The following PCSK5 variants were observed in gnomAD, a reference collection of about 807,000 sequenced individuals.
PCSK5 encodes proprotein convertase subtilisin/kexin type 5, also known as prohormone convertase 5.
In PCSK5, 129 loss-of-function variants were observed where a neutral mutation model predicts 233.2. The ratio of observed to expected loss-of-function variants is 0.55; its 90% CI spans 0.48 to 0.64. The LOEUF (loss-of-function observed/expected upper bound fraction) is 0.64. PCSK5 is among the 30% of genes least tolerant of loss of function. PCSK5 has a pLI of 0.00. For synonymous variants in PCSK5, 825 were observed against 879.2 expected (o/e 0.94, Z 1.09); for missense variants, 2,076 against 2,430.1 (o/e 0.85, Z 3.06).
chr9:76,275,940 C>T (rs1163431597), intron 24 of PCSK5, among the ~76,000 whole-genome samples: 1 of 152,168 alleles, frequency 6.6e-6, no homozygotes, highest in Non-Finnish European at 1.5e-5. Context: ...CATCTATACT[C>T]GTTACAGTAT....
chr9:76,096,642 C>T (rs1481381089), intron 8 of PCSK5, among the ~76,000 whole-genome samples: 1 of 150,654 alleles, frequency 6.6e-6, no homozygotes, highest in Admixed American at 6.6e-5. Context: ...CTAACTGTTG[C>T]CCAGGCTGGA....
chr9:76,058,765 A>G (rs7875350), intron 5 of PCSK5, among the ~76,000 whole-genome samples: 183 of 152,366 alleles, frequency 1.2e-3, no homozygotes, highest in African/African-American at 4.3e-3. Flanking sequence ...AGGATACTGT[A>G]TATGTTTAAA....
At chr9:76,277,518 A>T (rs139366410) in intron 24 of PCSK5, among the ~76,000 whole-genome samples, 1 of 152,356 alleles carries the variant, frequency 6.6e-6, no homozygotes, top group East Asian at 1.9e-4. Context: ...TTTGTAGACA[A>T]TAATTTCAAT....
At chr9:76,017,648 T>C (rs551823002) in intron 3 of PCSK5, among the ~76,000 whole-genome samples, 3 of 152,276 alleles carry the variant, frequency 2.0e-5, no homozygotes, top group South Asian at 2.1e-4. Flanking sequence ...TTGAAATGTA[T>C]TGGGCTTCCA....
chr9:76,291,321 C>G (rs1828269858), intron 24 of PCSK5, among the ~76,000 whole-genome samples: 1 of 152,130 alleles, frequency 6.6e-6, no homozygotes, highest in South Asian at 2.1e-4. Flanking sequence ...GCACAAAGTT[C>G]AAATGATATA....
chr9:75,912,816 C>T (rs924048826), intron 1 of PCSK5, among the ~76,000 whole-genome samples: 1 of 152,150 alleles, frequency 6.6e-6, no homozygotes, highest in East Asian at 1.9e-4. Flanking sequence ...ATCTGAATAT[C>T]GTTTCCTCTA....
At chr9:76,104,967 T>A (rs1054571428) in intron 8 of PCSK5, among the ~76,000 whole-genome samples, 2 of 152,194 alleles carry the variant, frequency 1.3e-5, no homozygotes, top group Admixed American at 6.6e-5. Flanking sequence ...AAAATCAGGC[T>A]GCAAATTCAC....
rs1228366611 is a variant in PCSK5, at chr9:76,338,224, T to C, written c.4749-6T>C. ...TATTCCATCTTTTCTTCTCCTTTGG[T>C]TTCAGATATTACGCAGACAACTCCA... On this transcript the variant is annotated splice_region_variant and splice_polypyrimidine_tract_variant and intron_variant, in intron 34 of 37. Coordinates refer to ENST00000674117, the MANE Select transcript of PCSK5 (RefSeq NM_001372043.1). The C allele has an allele frequency of 6.2e-7, 1 of 1,605,380 alleles. No individual in the cohort carries two copies. Among genetic ancestry groups the C allele is most frequent in the East Asian group, 2.2e-5 (1 of 44,754 alleles).
At position 75,994,589 on chromosome 9, in the gene PCSK5, C is replaced by T. The variant is rs951206322; in HGVS notation, c.411+8344C>T. 2.5e-4 allele frequency among the ~76,000 whole-genome samples: 38 copies of T among 151,860 alleles called. 1 individual carries two copies. Among genetic ancestry groups the T allele is most frequent in the Admixed American group, 5.2e-4 (8 of 15,250 alleles). On this transcript the variant is annotated intron_variant, in intron 3 of 37. Coordinates refer to ENST00000674117, the MANE Select transcript of PCSK5 (RefSeq NM_001372043.1). The stretch of plus-strand genomic sequence containing the variant: ...AGATGCCTGCCACCATGCCCAGCTA[C>T]TTTTTTGTATTTTTAGTAGAGACGG...
Position 76,066,602 on chromosome 9 carries a change from A to G in PCSK5, c.633-1353A>G, listed in dbSNP as rs1007618342. Among the ~76,000 whole-genome samples the G allele has an allele frequency of 2.0e-5, 3 of 152,246 alleles. No individual in the cohort carries two copies. The East Asian group carries it at 5.8e-4, about 29-fold the overall frequency. On this transcript the variant is annotated intron_variant, in intron 5 of 37. Coordinates refer to ENST00000674117, the MANE Select transcript of PCSK5 (RefSeq NM_001372043.1). ...ATATATAGACAGATACACACACACT[A>G]CACAAACATTTATATATATCATTTA...
intron 36 of PCSK5, among the ~76,000 whole-genome samples, chr9:76,352,182 T>G (rs572298206): frequency 9.3e-4 from 141 of 152,278 alleles, no homozygotes; most frequent in Non-Finnish European, 1.7e-3. Flanking sequence ...AAACAAAGGA[T>G]GGATTATTCA....
chr9:76,317,427 C>G (rs969961868), intron 30 of PCSK5, among the ~76,000 whole-genome samples: 5 of 152,140 alleles, frequency 3.3e-5, no homozygotes, highest in African/African-American at 9.7e-5. Context: ...CTGGAACACT[C>G]AATATATTTT....
intron 7 of PCSK5, among the ~76,000 whole-genome samples, chr9:76,086,640 C>G (rs1564017574): frequency 6.6e-6 from 1 of 152,102 alleles, no homozygotes; most frequent in Non-Finnish European, 1.5e-5. Context: ...TTTCTCGAAT[C>G]CACTATTGTT....
chr9:76,095,570 A>G (rs944165614), intron 7 of PCSK5, among the ~76,000 whole-genome samples: 4 of 152,236 alleles, frequency 2.6e-5, no homozygotes, highest in Non-Finnish European at 5.9e-5. Flanking sequence ...TCTCCACAGC[A>G]TAACGGGGAC....
chr9:76,082,479 T>G (rs71509852), intron 7 of PCSK5, among the ~76,000 whole-genome samples: 25,733 of 152,152 alleles, frequency 0.17, 2,216 homozygotes, highest in East Asian at 0.24. Flanking sequence ...AGGCATTCAC[T>G]GAGGGGTTAT....
At chr9:76,352,272 G>A (rs755386812) in intron 36 of PCSK5, among the ~76,000 whole-genome samples, 8 of 152,186 alleles carry the variant, frequency 5.3e-5, no homozygotes, top group Non-Finnish European at 8.8e-5. Flanking sequence ...GCTGGTGGGA[G>A]TGTAGCAGTG....
intron 7 of PCSK5, among the ~76,000 whole-genome samples, chr9:76,092,041 C>T (rs1375122399): frequency 2.0e-5 from 3 of 152,096 alleles, no homozygotes; most frequent in Non-Finnish European, 2.9e-5. Context: ...TTAGTGGTAT[C>T]TTCCATGAGT....
chr9:76,157,242 T>G, intron 11 of PCSK5, 80 bp downstream of exon 11: 1 of 882,840 alleles, frequency 1.1e-6, no homozygotes, highest in Non-Finnish European at 1.9e-6. Flanking sequence ...CAGCCTCTTG[T>G]TGCACACAGA....
intron 1 of PCSK5, among the ~76,000 whole-genome samples, chr9:75,907,671 G>A (rs1055642638): frequency 2.6e-5 from 4 of 152,176 alleles, no homozygotes; most frequent in South Asian, 2.1e-4. Flanking sequence ...GTGGATCTTG[G>A]TGAACCCTAA....
Sources: gnomAD v4.1 joint callset for allele counts (sites outside exome capture counted in the v4.1 genomes callset) on GRCh38, gnomAD v4.1.1 for gene constraint, MANE v1.5 for transcripts, NCBI Gene and HGNC (gene_info 2026-07-23, HGNC 2026-07-21) for gene names.